Variants in POGLUT3 observed in about 807,000 individuals in gnomAD.
POGLUT3 encodes KDEL (Lys-Asp-Glu-Leu) containing 2.
In POGLUT3, 48 loss-of-function variants were observed where a neutral mutation model predicts 54.3. The ratio of observed to expected loss-of-function variants is 0.88; its 90% CI spans 0.70 to 1.12. The LOEUF (loss-of-function observed/expected upper bound fraction) is 1.12. Among genes scored for constraint, POGLUT3 ranks in the 50% most tolerant of loss-of-function variants. The pLI is 0.00. For missense variants in POGLUT3, 629 were observed against 618.7 expected, an observed-to-expected ratio of 1.02 and a Z score of -0.18; for synonymous variants, 218 against 237.4, an observed-to-expected ratio of 0.92 and a Z score of 0.75.
rs374443735 is a variant in POGLUT3 at position 108,491,025 on chromosome 11, C to A, written c.345G>T (p.Lys115Asn). ...GTTCATCACCATAAAGGACCTCTAT[C>A]TTCAGGCCTTCATCGACAGTTTCAT... is the stretch of plus-strand genomic sequence containing the variant. ...RMYETVDEGL[K>N]IEVLYGDEHV... The change falls in exon 2 of 8, where the codon AAG (lysine) becomes AAT (asparagine). Residue 115 changes from lysine to asparagine, a missense_variant. Physicochemically the swap from Lys to Asn is moderately conservative, Grantham distance 94. Transcript: ENST00000323468. The A allele has an allele frequency of 6.2e-7, 1 of 1,614,102 alleles. No individual in the cohort carries two copies. Among genetic ancestry groups the A allele is most frequent in the Admixed American group, 1.7e-5 (1 of 60,028 alleles).
At chr11:108,484,649 A>G (rs2093599351) in intron 3 of POGLUT3, among the ~76,000 whole-genome samples, 1 of 152,144 alleles carries the variant, frequency 6.6e-6, no homozygotes, top group Non-Finnish European at 1.5e-5. Context: ...CCAGCTACTC[A>G]GAAGGCTGAG....
chr11:108,497,903 C>A (rs1194032689), intron 1 of POGLUT3, among the ~76,000 whole-genome samples: 1 of 152,230 alleles, frequency 6.6e-6, no homozygotes, highest in Admixed American at 6.5e-5. Context: ...GCCCGGGCGC[C>A]GTCCATTCGC....
chr11:108,479,529 C>A, intron 5 of POGLUT3, 34 bp from the exon 6 acceptor site: 1 of 1,515,260 alleles, frequency 6.6e-7, no homozygotes, highest in Non-Finnish European at 8.9e-7. Flanking sequence ...AACAAACTTT[C>A]AGTAGTCATT....
chr11:108,485,346 T>C (rs999380355), intron 3 of POGLUT3, among the ~76,000 whole-genome samples: 22 of 152,172 alleles, frequency 1.4e-4, no homozygotes, highest in African/African-American at 5.3e-4. Context: ...TAAAGCGGCC[T>C]CTTGACATGG....
chr11:108,490,654 C>T (rs1382001211), intron 2 of POGLUT3, among the ~76,000 whole-genome samples: 2 of 151,950 alleles, frequency 1.3e-5, no homozygotes, highest in African/African-American at 4.8e-5. Context: ...CCAGCATTCT[C>T]ACAGTAAAAT....
At chr11:108,497,887 T>A (rs771024145) in intron 1 of POGLUT3, among the ~76,000 whole-genome samples, 2 of 152,158 alleles carry the variant, frequency 1.3e-5, no homozygotes, top group Non-Finnish European at 2.9e-5. Context: ...GCACACTCCT[T>A]GTAACGCCCG....
In POGLUT3 at chr11:108,498,264, A is replaced by G. The variant is rs943330472; in HGVS notation, c.103T>C (p.Trp35Arg). The G allele has an allele frequency of 1.3e-6, 2 of 1,498,162 alleles. No individual in the cohort carries two copies. The highest frequency in any genetic ancestry group is 2.5e-5 in the South Asian group (2 of 78,938). The allele number at this position is 1,498,162 out of a possible 1,614,324, so 92.8% of individuals were successfully genotyped here. The change falls in exon 1 of 8, where the codon TGG becomes CGG. Residue 35 changes from tryptophan to arginine, a missense_variant. Transcript: ENST00000323468. ...VLVSAPRSLV[W>R]GPGLQAAVVL... Reference sequence around the variant, plus strand: ...ACGGCCGCCTGCAGCCCGGGCCCCCACACCAGGCTCCGCGGCGCGCTGACC... The same window carrying G: ...ACGGCCGCCTGCAGCCCGGGCCCCCGCACCAGGCTCCGCGGCGCGCTGACC...
At position 108,481,231 on chromosome 11, in the gene POGLUT3, T is replaced by C. The variant is rs1217041841; in HGVS notation, c.1047A>G (p.Lys349=). 6.2e-7 allele frequency: 1 copy of C among 1,612,006 alleles called. No homozygotes were observed. The highest frequency in any genetic ancestry group is 8.5e-7 in the Non-Finnish European group (1 of 1,179,506). The change falls in exon 5 of 8, where the codon AAA becomes AAG. Residue 349 remains lysine (K), a synonymous_variant. Coordinates refer to ENST00000323468, the MANE Select transcript of POGLUT3 (RefSeq NM_153705.5). The stretch of plus-strand genomic sequence containing the variant: ...ACTTGGCTTTTCCAAGCTCCTTTTC[T>C]TTCTCTTGGAAAAAGAAATATCCTG... The part of the protein sequence containing the change: ...GITGYFFFQE[K]EKELGKAKLM...
chr11:108,474,983 G>C (rs768416567), intron 7 of POGLUT3, 31 bp from the exon 8 acceptor site: 1 of 1,611,002 alleles, frequency 6.2e-7, no homozygotes, highest in South Asian at 1.1e-5. Context: ...GAACTGAAAG[G>C]TTAGTTCACA....
At chr11:108,484,146 C>T (rs1255724607) in intron 3 of POGLUT3, among the ~76,000 whole-genome samples, 2 of 152,014 alleles carry the variant, frequency 1.3e-5, no homozygotes, top group Non-Finnish European at 2.9e-5. Flanking sequence ...TAATAGCAAC[C>T]CCTGAGTTGT....
intron 2 of POGLUT3, among the ~76,000 whole-genome samples, chr11:108,489,187 G>A (rs2135860142): frequency 6.6e-6 from 1 of 151,984 alleles, no homozygotes; most frequent in East Asian, 1.9e-4. Context: ...ATGAAACAAA[G>A]AGAAAAAAGA....
In POGLUT3 at chr11:108,487,360, C is replaced by T. The variant is rs547839161; in HGVS notation, c.401-920G>A. On this transcript the variant is annotated intron_variant, in intron 2 of 7. Coordinates refer to ENST00000323468, the MANE Select transcript of POGLUT3 (RefSeq NM_153705.5). Reference sequence around the variant, plus strand: ...CTTGAGCACAGGTTCTCAGGATGTCCTGAGGGTTGTGTCATGGGCCATTGG... The same window carrying T: ...CTTGAGCACAGGTTCTCAGGATGTCTTGAGGGTTGTGTCATGGGCCATTGG... Among the ~76,000 whole-genome samples, 292 of 152,180 alleles carry T rather than the reference C, an allele frequency of 1.9e-3. 3 individuals carry two copies. The highest frequency in any genetic ancestry group is 3.4e-3 in the Non-Finnish European group (231 of 68,012).
rs1225847367 is a variant in POGLUT3 at position 108,472,473 on chromosome 11, T to C, written c.*2354A>G. On this transcript the variant is annotated 3_prime_UTR_variant, in exon 8 of 8. Transcript: ENST00000323468. Reference sequence around the variant, plus strand: ...ACCAGAAAGCCATTAACACTAACTCTTTAAAGGCTGCGGCTGAATTGGCGA... The same window carrying C: ...ACCAGAAAGCCATTAACACTAACTCCTTAAAGGCTGCGGCTGAATTGGCGA... The C allele has an allele frequency of 6.6e-6, 1 of 152,228 alleles. No individual in the cohort carries two copies. Among genetic ancestry groups the C allele is most frequent in the African/African-American group, 2.4e-5 (1 of 41,472 alleles). 9.4% of individuals were successfully genotyped at this position (152,228 alleles called of 1,614,324 possible). A position where few individuals can be genotyped will look rare whatever the true frequency, so the allele number is the denominator to read the frequency against.
At chr11:108,490,844 T>A (rs1026442357) in intron 2 of POGLUT3, 126 bp downstream of exon 2, 1 of 589,954 alleles carries the variant, frequency 1.7e-6, no homozygotes, top group African/African-American at 1.9e-5. Flanking sequence ...TAAATTGAGC[T>A]CCAGGAGGTA....
chr11:108,490,087 C>A (rs1381184230), intron 2 of POGLUT3, among the ~76,000 whole-genome samples: 1 of 152,096 alleles, frequency 6.6e-6, no homozygotes, highest in Non-Finnish European at 1.5e-5. Context: ...CCATGTTGCT[C>A]AGCGTGGTCT....
intron 1 of POGLUT3, among the ~76,000 whole-genome samples, chr11:108,496,500 C>T (rs936226510): frequency 4.6e-5 from 7 of 152,148 alleles, no homozygotes; most frequent in African/African-American, 1.7e-4. Flanking sequence ...ATGATATCAC[C>T]TACAAAGCCT....
chr11:108,490,514 G>C (rs2093611204), intron 2 of POGLUT3, among the ~76,000 whole-genome samples: 1 of 152,034 alleles, frequency 6.6e-6, no homozygotes, highest in Non-Finnish European at 1.5e-5. Flanking sequence ...AGTGAGCTTT[G>C]ACTGTGCCAC....
chr11:108,475,470 T>G (rs75542713), intron 7 of POGLUT3, among the ~76,000 whole-genome samples: 15,351 of 139,122 alleles, frequency 0.11, 1,239 homozygotes, highest in Non-Finnish European at 0.14. Flanking sequence ...TTTGTTTTTG[T>G]TTTTTTTTTT....
At chr11:108,496,047 T>C (rs1161910534) in intron 1 of POGLUT3, among the ~76,000 whole-genome samples, 1 of 152,142 alleles carries the variant, frequency 6.6e-6, no homozygotes, top group South Asian at 2.1e-4. Flanking sequence ...CTTTAAGTCA[T>C]GTATCATTTG....
Sources: allele counts gnomAD v4.1 joint callset (sites outside exome capture counted in the v4.1 genomes callset), GRCh38; gene constraint gnomAD v4.1.1; transcripts MANE v1.5; gene names NCBI Gene and HGNC (gene_info 2026-07-23, HGNC 2026-07-21).